SEC14L5: variants seen among roughly 807,000 people sequenced by gnomAD.
The protein encoded by SEC14L5 is SEC14-like protein 5.
In SEC14L5, 96 loss-of-function variants were observed where a neutral mutation model predicts 84.6. The ratio of observed to expected loss-of-function variants is 1.13; its 90% CI spans 0.96 to 1.34. The LOEUF is 1.34. Ranked by LOEUF, SEC14L5 falls within the 40% of genes most tolerant of loss-of-function variation. The pLI is 0.00. For missense variants in SEC14L5, 1,224 were observed against 942.5 expected (o/e 1.30, Z -3.91); for synonymous variants, 546 against 383.4 (o/e 1.42, Z -4.95).
intron 2 of SEC14L5, among the ~76,000 whole-genome samples, chr16:4,965,485 C>T (rs969205384): frequency 6.7e-6 from 1 of 150,148 alleles, no homozygotes; most frequent in Middle Eastern, 3.3e-3. Flanking sequence ...CACGGTGAAA[C>T]CGCGTCTCTA....
chr16:4,961,302 C>CAACA (rs1555527512), intron 2 of SEC14L5, among the ~76,000 whole-genome samples: 1 of 152,000 alleles, frequency 6.6e-6, no homozygotes, highest in Non-Finnish European at 1.5e-5. Flanking sequence ...ACAACAACAA[C>CAACA]AAAGTTGCTG....
At chr16:4,996,715 G>A (rs1955614286) in intron 7 of SEC14L5, 140 bp from the exon 8 acceptor site, 1 of 686,314 alleles carries the variant, frequency 1.5e-6, no homozygotes, top group Non-Finnish European at 2.5e-6. Flanking sequence ...GGGGTTACAG[G>A]CGCACACCAC....
Position 4,987,672 on chromosome 16 carries a change from G to T in SEC14L5, c.179G>T (p.Arg60Leu). ...GTGCACGTGGTGGAGCGGAGCTGCC[G>T]GCTGCGCGTGGACGCCCCGCGGCTG... ...GAVHVVERSCRLRVDAPRLLR... is the reference protein window; with the variant it reads ...GAVHVVERSCLLRVDAPRLLR... The change falls in exon 3 of 16, where the codon CGG (arginine) becomes CTG (leucine). Residue 60 changes from arginine to leucine, a missense_variant. Coordinates refer to ENST00000251170, the MANE Select transcript of SEC14L5 (RefSeq NM_014692.2). 1 of 1,542,684 alleles carries T rather than the reference G, an allele frequency of 6.5e-7. No individual in the cohort carries two copies. The highest frequency in any genetic ancestry group is 2.5e-5 in the East Asian group (1 of 39,408).
chr16:5,007,523 G>A, intron 13 of SEC14L5, 37 bp downstream of exon 13: 1 of 1,604,754 alleles, frequency 6.2e-7, no homozygotes, highest in Non-Finnish European at 8.5e-7. Context: ...CGCTGAGCTG[G>A]AGTGTCTGTC....
intron 2 of SEC14L5, among the ~76,000 whole-genome samples, chr16:4,983,702 C>T (rs1955453742): frequency 6.6e-6 from 1 of 151,742 alleles, no homozygotes; most frequent in African/African-American, 2.4e-5. Flanking sequence ...CATGGTGAAA[C>T]CCCGTCTCTA....
chr16:5,003,231 G>C (rs1390174413), intron 10 of SEC14L5, among the ~76,000 whole-genome samples, 171 bp from the exon 11 acceptor site: 1 of 152,246 alleles, frequency 6.6e-6, no homozygotes, highest in Non-Finnish European at 1.5e-5. Flanking sequence ...GCTCAGCCCT[G>C]AAGTCCACAG....
intron 9 of SEC14L5, 22 bp downstream of exon 9, chr16:5,000,765 T>A: frequency 6.4e-7 from 1 of 1,554,584 alleles, no homozygotes; most frequent in Non-Finnish European, 8.7e-7. Context: ...GCCTCGTTCC[T>A]GGACGCCGTG....
intron 2 of SEC14L5, among the ~76,000 whole-genome samples, chr16:4,963,359 T>A (rs76477940): frequency 2.0e-5 from 3 of 152,190 alleles, no homozygotes; most frequent in Admixed American, 2.0e-4. Context: ...ATTTTTTTTT[T>A]AAGATGGAGT....
intron 2 of SEC14L5, among the ~76,000 whole-genome samples, chr16:4,961,388 G>A (rs929055095): frequency 6.6e-6 from 1 of 152,162 alleles, no homozygotes; most frequent in East Asian, 1.9e-4. Context: ...GAGTGCAGTG[G>A]TGCCATCTTG....
intron 15 of SEC14L5, among the ~76,000 whole-genome samples, chr16:5,014,342 A>G (rs1955845187): frequency 1.3e-5 from 2 of 152,138 alleles, no homozygotes; most frequent in Non-Finnish European, 2.9e-5. Context: ...TGATCCCAGG[A>G]GTTTGAGACC....
At chr16:4,958,841 G>T (rs1955085069) in intron 1 of SEC14L5, among the ~76,000 whole-genome samples, 1 of 152,152 alleles carries the variant, frequency 6.6e-6, no homozygotes, top group South Asian at 2.1e-4. Flanking sequence ...TGTATGTCAG[G>T]GTGTCTGGGA....
intron 8 of SEC14L5, 145 bp downstream of exon 8, chr16:4,997,189 C>T: frequency 1.8e-6 from 1 of 560,846 alleles, no homozygotes; most frequent in East Asian, 3.5e-5. Flanking sequence ...ATCTCCGCTT[C>T]CCGGGTTCAA....
chr16:4,969,928 C>T (rs1371684948), intron 2 of SEC14L5, among the ~76,000 whole-genome samples: 3 of 152,080 alleles, frequency 2.0e-5, no homozygotes, highest in Admixed American at 6.6e-5. Flanking sequence ...AGCGATTGTC[C>T]CACCTCAGCC....
At position 4,996,606 on chromosome 16, in the gene SEC14L5, C is replaced by T. The variant is rs561780628; in HGVS notation, c.780+146C>T. 1.4e-3 allele frequency: 884 copies of T among 626,304 alleles called. 4 individuals carry two copies. Among genetic ancestry groups the T allele is most frequent in the Non-Finnish European group, 2.2e-3 (755 of 350,618 alleles). The allele number at this position is 626,304 out of a possible 1,614,324, so 38.8% of individuals were successfully genotyped here. On this transcript the variant is annotated intron_variant, in intron 7 of 15. Coordinates refer to ENST00000251170, the MANE Select transcript of SEC14L5 (RefSeq NM_014692.2). ...TATTTATTCATTTATTTCTGTGAGA[C>T]AAAGTCTCACTCTGTCCCCCAGGCA...
At chr16:5,011,845 C>CA (rs1409310432) in intron 15 of SEC14L5, among the ~76,000 whole-genome samples, 5 of 152,112 alleles carry the variant, frequency 3.3e-5, no homozygotes, top group African/African-American at 1.2e-4. Flanking sequence ...AGCTGCCTGT[C>CA]ACCTGGGCAT....
Position 5,000,635 on chromosome 16 carries a change from G to C in SEC14L5, c.971-20G>C. On this transcript the variant is annotated intron_variant, in intron 8 of 15. Coordinates refer to ENST00000251170, the MANE Select transcript of SEC14L5 (RefSeq NM_014692.2). The stretch of plus-strand genomic sequence containing the variant: ...CTCTAAATAACGGGCTCTTCTTTCT[G>C]CTTGGCCCCATCCACAAAGATGGCC... The C allele has an allele frequency of 6.5e-7, 1 of 1,540,688 alleles. No homozygotes were observed. The highest frequency in any genetic ancestry group is 8.8e-7 in the Non-Finnish European group (1 of 1,137,702).
chr16:5,014,282 C>A (rs532363305), intron 15 of SEC14L5, among the ~76,000 whole-genome samples: 2 of 152,316 alleles, frequency 1.3e-5, no homozygotes, highest in Admixed American at 6.5e-5. Flanking sequence ...GGCATGGTGC[C>A]TCACGCCTGT....
intron 10 of SEC14L5, among the ~76,000 whole-genome samples, chr16:5,002,920 G>T (rs1955692428): frequency 6.6e-6 from 1 of 152,170 alleles, no homozygotes; most frequent in Non-Finnish European, 1.5e-5. Context: ...GCAATGTTTT[G>T]AATTTTTGCA....
rs368330901 is a variant in SEC14L5 at position 4,988,901 on chromosome 16, C to G, written c.345+621C>G. Among the ~76,000 whole-genome samples the G allele has an allele frequency of 3.3e-5, 5 of 152,352 alleles. No individual in the cohort carries two copies. In the South Asian group the frequency reaches 6.2e-4, roughly 19 times the overall value. On this transcript the variant is annotated intron_variant, in intron 4 of 15. Transcript: ENST00000251170. ...TCACGGAGGGTCCATTCCAGTGGAACAAAACGGAATCAGTGTGTGTGCATT... is the reference window on the plus strand; with the variant it reads ...TCACGGAGGGTCCATTCCAGTGGAAGAAAACGGAATCAGTGTGTGTGCATT...
Sources: allele counts gnomAD v4.1 joint callset (sites outside exome capture counted in the v4.1 genomes callset), GRCh38; gene constraint gnomAD v4.1.1; transcripts MANE v1.5; gene names NCBI Gene and HGNC (gene_info 2026-07-23, HGNC 2026-07-21).